Variants in NAALADL2 observed in about 807,000 individuals in gnomAD.
The protein encoded by NAALADL2 is N-acetylated alpha-linked acidic dipeptidase like 2, also known as inactive N-acetylated-alpha-linked acidic dipeptidase-like protein 2.
In NAALADL2, 76 loss-of-function variants were observed where a neutral mutation model predicts 87.2. The observed-to-expected ratio is 0.87, with a 90% CI of 0.72 to 1.05. The LOEUF is 1.05. Ranked by LOEUF, NAALADL2 falls within the 50% of genes least tolerant of loss-of-function variation. The pLI is 0.00. For missense variants in NAALADL2, 1,089 were observed against 945.8 expected (o/e 1.15, Z -1.99); for synonymous variants, 354 against 331.0 (o/e 1.07, Z -0.75).
At chr3:175,529,972 C>T (rs1733884479) in intron 9 of NAALADL2, among the ~76,000 whole-genome samples, 1 of 152,136 alleles carries the variant, frequency 6.6e-6, no homozygotes, top group Non-Finnish European at 1.5e-5. Context: ...AGGAATGGTG[C>T]CATATCGAGG....
intron 1 of NAALADL2, among the ~76,000 whole-genome samples, chr3:174,979,569 T>C (rs1316064619): frequency 6.6e-6 from 1 of 152,100 alleles, no homozygotes; most frequent in Non-Finnish European, 1.5e-5. Flanking sequence ...CCTCCCAAAG[T>C]GCTGGGATTA....
chr3:175,191,699 G>T (rs1738234679), intron 2 of NAALADL2, among the ~76,000 whole-genome samples: 1 of 152,152 alleles, frequency 6.6e-6, no homozygotes, highest in Non-Finnish European at 1.5e-5. Context: ...TACGCATTTT[G>T]GTTTTATTTT....
At chr3:175,225,671 T>C (rs1009998166) in intron 2 of NAALADL2, among the ~76,000 whole-genome samples, 4 of 152,142 alleles carry the variant, frequency 2.6e-5, no homozygotes, top group African/African-American at 9.7e-5. Context: ...ATTTATTCAG[T>C]TATCTATTCA....
intron 11 of NAALADL2, among the ~76,000 whole-genome samples, chr3:175,673,323 C>T (rs998837967): frequency 1.3e-5 from 2 of 152,134 alleles, no homozygotes; most frequent in African/African-American, 4.8e-5. Flanking sequence ...GTCAGAGCAT[C>T]ATCTTCAAAC....
chr3:174,485,761 T>C (rs1388960035), intron 1 of NAALADL2, among the ~76,000 whole-genome samples: 1 of 152,044 alleles, frequency 6.6e-6, no homozygotes, highest in East Asian at 1.9e-4. Flanking sequence ...AGTGAACAAA[T>C]GCATGCATGT....
intron 1 of NAALADL2, among the ~76,000 whole-genome samples, chr3:174,947,306 A>T (rs1382174313): frequency 6.6e-6 from 1 of 152,080 alleles, no homozygotes; most frequent in Non-Finnish European, 1.5e-5. Flanking sequence ...GCACAAGATT[A>T]CATGTTCAGT....
chr3:175,461,570 T>C (rs936900837), intron 6 of NAALADL2, among the ~76,000 whole-genome samples: 3 of 152,242 alleles, frequency 2.0e-5, no homozygotes, highest in South Asian at 2.1e-4. Context: ...AATTAGTGCA[T>C]GTGTGTGAAA....
rs375170669 is a variant in NAALADL2 at position 175,627,427 on chromosome 3, G to T, written c.1896+41G>T. 221 of 1,311,816 alleles carry T rather than the reference G, an allele frequency of 1.7e-4. No individual in the cohort carries two copies. The African/African-American group carries it at 2.8e-3, about 17-fold the overall frequency. 81.3% of individuals were successfully genotyped at this position (1,311,816 alleles called of 1,614,324 possible). A position where few individuals can be genotyped will look rare whatever the true frequency, so the allele number is the denominator to read the frequency against. On this transcript the variant is annotated intron_variant, in intron 11 of 13. Transcript: ENST00000454872. ...ATTCAAAAATAGGTGAGAAATATTT[G>T]TTCTTCTTTATTGGTAGATGGAGCA...
intron 3 of NAALADL2, among the ~76,000 whole-genome samples, chr3:174,749,912 C>T (rs184556580): frequency 6.6e-6 from 1 of 152,160 alleles, no homozygotes; most frequent in Non-Finnish European, 1.5e-5. Flanking sequence ...CTCTAAACCC[C>T]TTTTCCAGAA....
chr3:174,728,891 G>A (rs1476370157), intron 2 of NAALADL2, among the ~76,000 whole-genome samples: 1 of 152,138 alleles, frequency 6.6e-6, no homozygotes, highest in Middle Eastern at 3.4e-3. Flanking sequence ...GAAAAGCATA[G>A]TAGTCTATTG....
At chr3:174,571,777 A>G (rs575401816) in intron 2 of NAALADL2, among the ~76,000 whole-genome samples, 27 of 152,322 alleles carry the variant, frequency 1.8e-4, no homozygotes, top group African/African-American at 5.3e-4. Context: ...AACACTTTAT[A>G]TGTTTTATAA....
At chr3:174,962,923 C>A (rs1297629533) in intron 1 of NAALADL2, among the ~76,000 whole-genome samples, 1 of 151,996 alleles carries the variant, frequency 6.6e-6, no homozygotes, top group Non-Finnish European at 1.5e-5. Flanking sequence ...CACATATCTT[C>A]CTGTATACTT....
chr3:174,574,576 A>G (rs1279613527), intron 2 of NAALADL2, among the ~76,000 whole-genome samples: 1 of 152,292 alleles, frequency 6.6e-6, no homozygotes, highest in South Asian at 2.1e-4. Flanking sequence ...TAAGTGAACT[A>G]TACTTTATAG....
intron 1 of NAALADL2, among the ~76,000 whole-genome samples, chr3:174,512,161 A>G (rs887809239): frequency 2.6e-5 from 4 of 152,196 alleles, no homozygotes; most frequent in Admixed American, 2.0e-4. Context: ...TAGTAGCAAT[A>G]ATTTTTCGAG....
At chr3:175,221,068 G>T (rs959867157) in intron 2 of NAALADL2, among the ~76,000 whole-genome samples, 1 of 151,834 alleles carries the variant, frequency 6.6e-6, no homozygotes, top group African/African-American at 2.4e-5. Context: ...CCATGATGGC[G>T]AGTGCCTGTA....
chr3:175,069,072 A>T (rs950787254), intron 1 of NAALADL2, among the ~76,000 whole-genome samples: 8 of 152,042 alleles, frequency 5.3e-5, no homozygotes, highest in Non-Finnish European at 8.8e-5. Context: ...AAGAAAACCT[A>T]GGCATTACCA....
intron 1 of NAALADL2, among the ~76,000 whole-genome samples, chr3:174,888,315 T>A (rs1730447938): frequency 6.6e-6 from 1 of 152,170 alleles, no homozygotes; most frequent in African/African-American, 2.4e-5. Flanking sequence ...TAAAGAGAAG[T>A]AATTAGGCCT....
chr3:174,489,318 A>G (rs1364840054), intron 1 of NAALADL2, among the ~76,000 whole-genome samples: 17 of 151,990 alleles, frequency 1.1e-4, no homozygotes, highest in Non-Finnish European at 5.9e-5. Context: ...CTTACTTCCT[A>G]CTATATACAA....
At chr3:175,421,414 G>A (rs1715676454) in intron 5 of NAALADL2, among the ~76,000 whole-genome samples, 1 of 152,018 alleles carries the variant, frequency 6.6e-6, no homozygotes, top group African/African-American at 2.4e-5. Context: ...ATTTTAATAT[G>A]TCCTCAAGGT....
Sources: gnomAD v4.1 joint callset for allele counts (sites outside exome capture counted in the v4.1 genomes callset) on GRCh38, gnomAD v4.1.1 for gene constraint, MANE v1.5 for transcripts, NCBI Gene and HGNC (gene_info 2026-07-23, HGNC 2026-07-21) for gene names.